The following AGPAT4 variants were observed in gnomAD, a reference collection of about 807,000 sequenced individuals.
AGPAT4 encodes 1-acylglycerol-3-phosphate O-acyltransferase 4.
Under a neutral mutation model 48.0 loss-of-function variants are expected in AGPAT4, and 15 were observed. The ratio of observed to expected loss-of-function variants is 0.31; its 90% confidence interval spans 0.21 to 0.48. The LOEUF is 0.48. Ranked by LOEUF, AGPAT4 falls within the 20% of genes least tolerant of loss-of-function variation. The pLI, the probability that AGPAT4 is intolerant of heterozygous loss-of-function variation, is 0.99. For missense variants in AGPAT4, 314 were observed against 482.5 expected (o/e 0.65, Z 3.27); for synonymous variants, 178 against 198.7 (o/e 0.90, Z 0.88).
chr6:161,228,660 G>GAAAA (rs1562347784), intron 2 of AGPAT4, among the ~76,000 whole-genome samples: 2 of 53,020 alleles, frequency 3.8e-5, no homozygotes, highest in African/African-American at 3.5e-4. Flanking sequence ...TGTCAGAGAG[G>GAAAA]TAAAAAAAAA....
Position 161,141,904 on chromosome 6 carries a change from AC to A in AGPAT4, c.844-2285del, listed in dbSNP as rs1326398020. Among the ~76,000 whole-genome samples the A allele has an allele frequency of 2.0e-5, 3 of 152,076 alleles. No individual in the cohort carries two copies. Among genetic ancestry groups the A allele is most frequent in the African/African-American group, 7.2e-5 (3 of 41,416 alleles). ...TTGAGACAGAGTCTCACTCTGTCGC[AC>A]AGGCTGGAGTGCAATGGCACGATCT... On this transcript the variant is annotated intron_variant, in intron 7 of 8. Coordinates refer to ENST00000320285, the MANE Select transcript of AGPAT4 (RefSeq NM_020133.3). The surrounding 1 kb of genome is among the most constrained non-coding windows in gnomAD (Gnocchi z 6.7).
intron 2 of AGPAT4, among the ~76,000 whole-genome samples, chr6:161,167,770 C>A (rs1458794945): frequency 6.6e-6 from 1 of 152,180 alleles, no homozygotes; most frequent in Non-Finnish European, 1.5e-5. Context: ...GTGAGCACTG[C>A]GGGACTTTGG....
intron 5 of AGPAT4, among the ~76,000 whole-genome samples, chr6:161,153,108 G>A (rs1450490323): frequency 2.0e-5 from 3 of 152,186 alleles, no homozygotes; most frequent in East Asian, 1.9e-4. Flanking sequence ...AGAGGGCAGC[G>A]CTGGCCTGGG....
chr6:161,247,463 T>C (rs1025130872), intron 1 of AGPAT4, among the ~76,000 whole-genome samples: 3 of 152,204 alleles, frequency 2.0e-5, no homozygotes, highest in African/African-American at 4.8e-5. Context: ...GATAAAACCA[T>C]TTCAGAGGCT....
At chr6:161,273,915 C>A (rs1330836091) in intron 1 of AGPAT4, 23 bp downstream of exon 1, 1 of 152,006 alleles carries the variant, frequency 6.6e-6, no homozygotes, top group Non-Finnish European at 1.5e-5. Flanking sequence ...AAGGTGCCTG[C>A]GAACGGCACC....
Position 161,244,784 on chromosome 6 carries a change from C to T in AGPAT4, c.-89-12482G>A, listed in dbSNP as rs935690197. On this transcript the variant is annotated intron_variant, in intron 1 of 8. Transcript: ENST00000320285. The surrounding 1 kb of genome is among the most constrained non-coding windows in gnomAD (Gnocchi z 4.7). ...GTCAACTGATCCAGTAAGAGTGATG[C>T]CTTCCACCACTTAGCCTAGGATGAA... Among the ~76,000 whole-genome samples, 1 of 152,196 alleles carries T rather than the reference C, an allele frequency of 6.6e-6. No homozygotes were observed. Among genetic ancestry groups the T allele is most frequent in the Non-Finnish European group, 1.5e-5 (1 of 68,042 alleles).
At position 161,147,434 on chromosome 6, in the gene AGPAT4, A is replaced by C. The variant is rs989599099; in HGVS notation, c.768-835T>G. ...CAATTTTGTCCATGTCAAAGTCTGC[A>C]TCTGGCTTGATTTCTCAGGTCACTT... On this transcript the variant is annotated intron_variant, in intron 6 of 8. Transcript: ENST00000320285. This position sits in a 1 kb window ranked among gnomAD's most constrained non-coding sequence, Gnocchi z 4.8. Among the ~76,000 whole-genome samples the C allele has an allele frequency of 6.6e-6, 1 of 152,218 alleles. No homozygotes were observed. The highest frequency in any genetic ancestry group is 1.5e-5 in the Non-Finnish European group (1 of 68,044).
chr6:161,232,985 G>C lies in AGPAT4; in HGVS notation c.-89-683C>G, dbSNP rs1213375293. Reference sequence around the variant, plus strand: ...TAAAAAATATTTGTAGAATGATTTAGTGAAGGTACACGAGGGCTCAACTTT... The same window carrying C: ...TAAAAAATATTTGTAGAATGATTTACTGAAGGTACACGAGGGCTCAACTTT... On this transcript the variant is annotated intron_variant, in intron 1 of 8. Transcript: ENST00000320285. This position sits in a 1 kb window ranked among gnomAD's most constrained non-coding sequence, Gnocchi z 6.8. 2.0e-5 allele frequency among the ~76,000 whole-genome samples: 3 copies of C among 152,122 alleles called. No homozygotes were observed. Among genetic ancestry groups the C allele is most frequent in the African/African-American group, 7.2e-5 (3 of 41,428 alleles).
In AGPAT4 at chr6:161,263,638, G is replaced by C. The variant is rs1441007932; in HGVS notation, c.-90+10300C>G. 4.6e-5 allele frequency among the ~76,000 whole-genome samples: 7 copies of C among 152,162 alleles called. No homozygotes were observed. The South Asian group carries it at 1.2e-3, about 27-fold the overall frequency. On this transcript the variant is annotated intron_variant, in intron 1 of 8. Coordinates refer to ENST00000320285, the MANE Select transcript of AGPAT4 (RefSeq NM_020133.3). Reference sequence around the variant, plus strand: ...TAGGCACATTTAAAATATCTCTCTGGTCCTCTCCCCCGACCTCCTCTCAAA... The same window carrying C: ...TAGGCACATTTAAAATATCTCTCTGCTCCTCTCCCCCGACCTCCTCTCAAA...
chr6:161,207,109 T>C (rs958251469), intron 2 of AGPAT4, among the ~76,000 whole-genome samples: 1 of 152,242 alleles, frequency 6.6e-6, no homozygotes, highest in African/African-American at 2.4e-5. Flanking sequence ...AAGAGTCTTA[T>C]GTTTCTACCA....
Position 161,136,422 on chromosome 6 carries a change from G to C in AGPAT4, c.*118C>G. 1.2e-6 allele frequency: 1 copy of C among 839,590 alleles called. No individual in the cohort carries two copies. Among genetic ancestry groups the C allele is most frequent in the Admixed American group, 2.1e-5 (1 of 46,602 alleles). 52.0% of individuals were successfully genotyped at this position (839,590 alleles called of 1,614,324 possible). A position where few individuals can be genotyped will look rare whatever the true frequency, so the allele number is the denominator to read the frequency against. Reference sequence around the variant, plus strand: ...CAGACTCCCTGGCTGGAGAGGTCGTGACTTCCGCCGTGCCCAGCAGGGGCT... The same window carrying C: ...CAGACTCCCTGGCTGGAGAGGTCGTCACTTCCGCCGTGCCCAGCAGGGGCT... On this transcript the variant is annotated 3_prime_UTR_variant, in exon 9 of 9. Transcript: ENST00000320285.
In AGPAT4 at chr6:161,245,233, G is replaced by A. The variant is rs1360422591; in HGVS notation, c.-89-12931C>T. Among the ~76,000 whole-genome samples, 6 of 152,184 alleles carry A rather than the reference G, an allele frequency of 3.9e-5. No homozygotes were observed. Among genetic ancestry groups the A allele is most frequent in the East Asian group, 1.9e-4 (1 of 5,186 alleles). Reference sequence around the variant, plus strand: ...CGTTGATCCTCATCCCTTTGGTCACGTCACCTCTGCCATGCTCAGCTTCCT... The same window carrying A: ...CGTTGATCCTCATCCCTTTGGTCACATCACCTCTGCCATGCTCAGCTTCCT... On this transcript the variant is annotated intron_variant, in intron 1 of 8. Coordinates refer to ENST00000320285, the MANE Select transcript of AGPAT4 (RefSeq NM_020133.3). This position sits in a 1 kb window ranked among gnomAD's most constrained non-coding sequence, Gnocchi z 5.2.
intron 1 of AGPAT4, among the ~76,000 whole-genome samples, chr6:161,271,414 G>A (rs920060754): frequency 2.0e-4 from 31 of 152,070 alleles, no homozygotes; most frequent in African/African-American, 5.8e-4. Flanking sequence ...TCTTCTTTTC[G>A]CCACCCGTTT....
rs188898113 is a variant in AGPAT4 at position 161,175,013 on chromosome 6, G to A, written c.179-8596C>T. Among the ~76,000 whole-genome samples the A allele has an allele frequency of 3.6e-3, 555 of 152,264 alleles. 5 individuals are homozygous for A. Among genetic ancestry groups the A allele is most frequent in the Middle Eastern group, 0.01 (3 of 294 alleles). Reference sequence around the variant, plus strand: ...GGGATGAAGCCAACTTGATCGTGGTGGATAAGCTTTTTGATGTGCTGCTGG... The same window carrying A: ...GGGATGAAGCCAACTTGATCGTGGTAGATAAGCTTTTTGATGTGCTGCTGG... On this transcript the variant is annotated intron_variant, in intron 2 of 8. Transcript: ENST00000320285.
chr6:161,235,309 A>G lies in AGPAT4; in HGVS notation c.-89-3007T>C, dbSNP rs1782243055. On this transcript the variant is annotated intron_variant, in intron 1 of 8. Coordinates refer to ENST00000320285, the MANE Select transcript of AGPAT4 (RefSeq NM_020133.3). The surrounding 1 kb of genome is among the most constrained non-coding windows in gnomAD (Gnocchi z 6.2). ...GAAACTTAGGCGGATTCTCAAATTT[A>G]TATGCAAACGCCAAAATAAGAATAG... Among the ~76,000 whole-genome samples the G allele has an allele frequency of 6.6e-6, 1 of 152,216 alleles. No homozygotes were observed. Among genetic ancestry groups the G allele is most frequent in the South Asian group, 2.1e-4 (1 of 4,834 alleles).
At chr6:161,241,263 C>CAA (rs61634719) in intron 1 of AGPAT4, among the ~76,000 whole-genome samples, 53 of 90,312 alleles carry the variant, frequency 5.9e-4, no homozygotes, top group East Asian at 2.5e-3. Context: ...AACTCTGTCT[C>CAA]AAAAAAAAAA....
Position 161,245,012 on chromosome 6 carries a change from T to C in AGPAT4, c.-89-12710A>G, listed in dbSNP as rs1016018211. On this transcript the variant is annotated intron_variant, in intron 1 of 8. Coordinates refer to ENST00000320285, the MANE Select transcript of AGPAT4 (RefSeq NM_020133.3). This position sits in a 1 kb window ranked among gnomAD's most constrained non-coding sequence, Gnocchi z 5.2. ...GGCATGAGAACTCTCCTGCAAATGC[T>C]AACTTAATTTCGCACACATGCCTAC... 1.3e-5 allele frequency among the ~76,000 whole-genome samples: 2 copies of C among 152,240 alleles called. No individual in the cohort carries two copies. Among genetic ancestry groups the C allele is most frequent in the Non-Finnish European group, 2.9e-5 (2 of 68,050 alleles).
At chr6:161,203,056 C>T (rs1265859775) in intron 2 of AGPAT4, among the ~76,000 whole-genome samples, 1 of 152,220 alleles carries the variant, frequency 6.6e-6, no homozygotes, top group African/African-American at 2.4e-5. Context: ...TACCACTGGG[C>T]TCTGTTCAGA....
intron 2 of AGPAT4, among the ~76,000 whole-genome samples, chr6:161,167,489 G>A (rs1780136978): frequency 6.6e-6 from 1 of 152,184 alleles, no homozygotes; most frequent in Admixed American, 6.5e-5. Flanking sequence ...CTCCTAAAGT[G>A]CTGGGATTAC....
Sources: allele counts gnomAD v4.1 joint callset (sites outside exome capture counted in the v4.1 genomes callset), GRCh38; gene constraint gnomAD v4.1.1; non-coding constraint Gnocchi (gnomAD v3.1); transcripts MANE v1.5; gene names NCBI Gene and HGNC (gene_info 2026-07-23, HGNC 2026-07-21).